The following DMXL1 variants were observed in gnomAD, a reference collection of about 807,000 sequenced individuals.
The protein encoded by DMXL1 is dmX-like protein 1.
In DMXL1, 99 loss-of-function variants were observed where a neutral mutation model predicts 319.2. The ratio of observed to expected loss-of-function variants is 0.31; its 90% CI spans 0.26 to 0.37. The LOEUF is 0.37. DMXL1 is among the 10% of genes least tolerant of loss of function. The pLI is 1.00. For missense variants in DMXL1, 3,745 were observed against 3,595.6 expected (o/e 1.04, Z -1.06); for synonymous variants, 1,385 against 1,235.2 (o/e 1.12, Z -2.54).
At chr5:119,122,769 C>A (rs144664588) in intron 9 of DMXL1, among the ~76,000 whole-genome samples, 1 of 151,666 alleles carries the variant, frequency 6.6e-6, no homozygotes, top group East Asian at 2.0e-4. Context: ...AGGCGCTCCT[C>A]ACTTACTAGA....
chr5:119,147,946 G>T (rs1401443807), intron 17 of DMXL1, among the ~76,000 whole-genome samples: 1 of 152,182 alleles, frequency 6.6e-6, no homozygotes, highest in Admixed American at 6.5e-5. Context: ...GGCCACCCAG[G>T]GTTACTGAAT....
At chr5:119,217,966 T>A (rs990655713) in intron 35 of DMXL1, among the ~76,000 whole-genome samples, 3 of 152,100 alleles carry the variant, frequency 2.0e-5, no homozygotes, top group African/African-American at 7.2e-5. Context: ...CAGATTTGCC[T>A]GCTTCAGACA....
At chr5:119,124,773 C>G (rs967685867) in intron 9 of DMXL1, among the ~76,000 whole-genome samples, 1 of 151,932 alleles carries the variant, frequency 6.6e-6, no homozygotes, top group African/African-American at 2.4e-5. Flanking sequence ...ACCATGTTGG[C>G]CAGGCTGGTC....
rs753427714 is a variant in DMXL1, at chr5:119,244,391, T to C, written c.8737T>C (p.Leu2913=). The C allele has an allele frequency of 7.4e-6, 12 of 1,614,104 alleles. No homozygotes were observed. Among genetic ancestry groups the C allele is most frequent in the Non-Finnish European group, 8.5e-6 (10 of 1,179,978 alleles). ...CTGCCATGACAGTGGAGCCACAGTT[T>C]TAGCATATGCTCCAAAACATCAGCT... ...FTCHDSGATV[L]AYAPKHQLLI... The change falls in exon 43 of 44, where the codon TTA becomes CTA. Residue 2913 remains leucine, a synonymous_variant. Coordinates refer to ENST00000539542, the MANE Select transcript of DMXL1 (RefSeq NM_001290321.3).
Position 119,238,917 on chromosome 5 carries a change from C to A in DMXL1, c.8560-72C>A, listed in dbSNP as rs998359275. 2.5e-6 allele frequency: 4 copies of A among 1,572,092 alleles called. No homozygotes were observed. In the African/African-American group the frequency reaches 5.4e-5, roughly 21 times the overall value. On this transcript the variant is annotated intron_variant, in intron 40 of 43. Coordinates refer to ENST00000539542, the MANE Select transcript of DMXL1 (RefSeq NM_001290321.3). ...AGCCAGAAACTACATGATCACTTTT[C>A]GAAGAATACATTTACCTGGTTATGA...
At chr5:119,244,278 A>G in intron 42 of DMXL1, 81 bp from the exon 43 acceptor site, 2 of 1,112,092 alleles carry the variant, frequency 1.8e-6, no homozygotes, top group Non-Finnish European at 1.3e-6. Context: ...AATCTGGTCT[A>G]TTATTTCACT....
chr5:119,141,936 AAT>A (rs148911407), intron 13 of DMXL1, among the ~76,000 whole-genome samples: 3,343 of 152,292 alleles, frequency 0.022, 108 homozygotes, highest in African/African-American at 0.076. Flanking sequence ...AATGGAACAC[AAT>A]AGAGAATCCA....
intron 35 of DMXL1, 143 bp downstream of exon 35, chr5:119,217,130 T>A (rs1170191169): frequency 2.0e-6 from 1 of 498,386 alleles, no homozygotes; most frequent in Non-Finnish European, 3.5e-6. Context: ...TTTAATTTTA[T>A]AAAATGATAT....
intron 1 of DMXL1, among the ~76,000 whole-genome samples, chr5:119,086,581 C>T (rs1329180498): frequency 1.3e-5 from 2 of 152,098 alleles, no homozygotes; most frequent in African/African-American, 4.8e-5. Flanking sequence ...GGAAGTCTTC[C>T]TTTCTCTTCA....
At chr5:119,105,304 AGTT>A in intron 4 of DMXL1, 46 bp downstream of exon 4, 17 of 1,451,746 alleles carry the variant, frequency 1.2e-5, no homozygotes, top group East Asian at 4.6e-5. Flanking sequence ...TCACTTGCCT[AGTT>A]GTTCTTATTT....
At chr5:119,209,616 C>G (rs552214903) in intron 34 of DMXL1, among the ~76,000 whole-genome samples, 1 of 152,044 alleles carries the variant, frequency 6.6e-6, no homozygotes, top group East Asian at 1.9e-4. Flanking sequence ...CTGAAGTGTT[C>G]GGATTACAGG....
intron 9 of DMXL1, among the ~76,000 whole-genome samples, chr5:119,123,960 C>T (rs1313855603): frequency 6.6e-6 from 1 of 150,486 alleles, no homozygotes; most frequent in Non-Finnish European, 1.5e-5. Context: ...GGATTATTTG[C>T]AGCAACTCAC....
chr5:119,142,468 C>T (rs1767597012), intron 13 of DMXL1, among the ~76,000 whole-genome samples: 1 of 149,264 alleles, frequency 6.7e-6, no homozygotes, highest in Non-Finnish European at 1.5e-5. Context: ...AGATAAAAAC[C>T]GCAATGTGGC....
chr5:119,170,331 C>T lies in DMXL1; in HGVS notation c.5540C>T (p.Ala1847Val). The T allele has an allele frequency of 6.2e-7, 1 of 1,613,930 alleles. No homozygotes were observed. Among genetic ancestry groups the T allele is most frequent in the Non-Finnish European group, 8.5e-7 (1 of 1,179,944 alleles). ...HMSLTGKSGL[A>V]GTINLSERRL... ...AGCCTAACAGGAAAAAGTGGACTGG[C>T]AGGAACAATTAATTTAAGTGAAAGA... Residue 1847 changes from alanine to valine, a missense_variant, in exon 24 of 44, where the codon GCA becomes GTA. Physicochemically the swap from Ala to Val is moderately conservative, Grantham distance 64. Around this residue, in one of 4 missense-constraint regions of DMXL1, gnomAD observed 1,382 missense variants for 1,269.5 expected, o/e 1.09. Coordinates refer to ENST00000539542, the MANE Select transcript of DMXL1 (RefSeq NM_001290321.3).
intron 17 of DMXL1, 110 bp downstream of exon 17, chr5:119,147,580 G>C: frequency 1.4e-6 from 1 of 692,032 alleles, no homozygotes; most frequent in Non-Finnish European, 2.4e-6. Flanking sequence ...ACTAGAAATG[G>C]AAATAATATA....
intron 42 of DMXL1, 58 bp from the exon 43 acceptor site, chr5:119,244,301 C>T: frequency 1.4e-6 from 2 of 1,391,018 alleles, no homozygotes; most frequent in Non-Finnish European, 2.0e-6. Flanking sequence ...AGCCAAAAGC[C>T]AGAAGTCTAT....
At chr5:119,120,118 C>T (rs919349956) in intron 8 of DMXL1, among the ~76,000 whole-genome samples, 1 of 152,138 alleles carries the variant, frequency 6.6e-6, no homozygotes, top group Non-Finnish European at 1.5e-5. Flanking sequence ...CGGTTGGTCT[C>T]GAACTCCTGG....
rs1483075131 is a variant in DMXL1 at position 119,089,306 on chromosome 5, T to A, written c.88-8673T>A. ...TATATATATATATTTTTTTTTTTTT[T>A]TTTTTTTTTTTTTTTTTGAGACAGA... is the stretch of plus-strand genomic sequence containing the variant. On this transcript the variant is annotated intron_variant, in intron 1 of 43. Transcript: ENST00000539542. 7.8e-3 allele frequency among the ~76,000 whole-genome samples: 752 copies of A among 95,928 alleles called. 11 individuals are homozygous for A. Among genetic ancestry groups the A allele is most frequent in the African/African-American group, 0.026 (703 of 26,848 alleles). The allele number at this position is 95,928 out of a possible 152,430, so 62.9% of individuals were successfully genotyped here. A position where few individuals can be genotyped will look rare whatever the true frequency, so the allele number is the denominator to read the frequency against.
In DMXL1 at chr5:119,193,961, A is replaced by G; in HGVS notation, c.7448A>G (p.Asn2483Ser). 6.3e-7 allele frequency: 1 copy of G among 1,598,130 alleles called. No homozygotes were observed. Among genetic ancestry groups the G allele is most frequent in the Non-Finnish European group, 8.6e-7 (1 of 1,169,150 alleles). Residue 2483 changes from asparagine (N) to serine (S), a missense_variant, in exon 30 of 44, where the codon AAT (asparagine) becomes AGT (serine). Coordinates refer to ENST00000539542, the MANE Select transcript of DMXL1 (RefSeq NM_001290321.3). ...DFHLQEHSNSNSYSWSLMRLA... is the reference protein window; with the variant it reads ...DFHLQEHSNSSSYSWSLMRLA... ...CATCTCCAGGAACATTCTAATTCAA[A>G]TTCATATAGGTATGGTATATTTTAT...
Sources: allele counts gnomAD v4.1 joint callset (sites outside exome capture counted in the v4.1 genomes callset), GRCh38; gene constraint gnomAD v4.1.1; regional missense constraint gnomAD v4.1.1; transcripts MANE v1.5; gene names NCBI Gene and HGNC (gene_info 2026-07-23, HGNC 2026-07-21).